ZNF804B: variants seen among roughly 807,000 people sequenced by gnomAD.
ZNF804B encodes zinc finger protein 804B, also known as zinc finger 804B.
In ZNF804B, 80 loss-of-function variants were observed where a neutral mutation model predicts 101.4. The ratio of observed to expected loss-of-function variants is 0.79; its 90% confidence interval spans 0.66 to 0.95. The LOEUF (loss-of-function observed/expected upper bound fraction) is 0.95. Among genes scored for constraint, ZNF804B ranks in the 40% least tolerant of loss-of-function variants. The probability of loss-of-function intolerance (pLI) is 0.00; values close to 1 mark genes in which losing one functional copy is unlikely to be tolerated. For missense variants in ZNF804B, 1,673 were observed against 1,561.9 expected (o/e 1.07, Z -1.20); for synonymous variants, 622 against 558.8 (o/e 1.11, Z -1.59).
At chr7:89,114,118 A>G (rs1017573962) in intron 1 of ZNF804B, among the ~76,000 whole-genome samples, 1 of 152,192 alleles carries the variant, frequency 6.6e-6, no homozygotes, top group African/African-American at 2.4e-5. Flanking sequence ...AAAAATATAA[A>G]TTATTAGTAT....
chr7:89,060,098 C>A (rs1789355949), intron 1 of ZNF804B, among the ~76,000 whole-genome samples: 1 of 152,086 alleles, frequency 6.6e-6, no homozygotes, highest in Admixed American at 6.6e-5. Context: ...GGTTCTGAGG[C>A]CTTGGGACTT....
At chr7:88,909,807 G>C (rs1001236732) in intron 1 of ZNF804B, among the ~76,000 whole-genome samples, 2 of 150,990 alleles carry the variant, frequency 1.3e-5, no homozygotes, top group East Asian at 3.9e-4. Context: ...TGTCTTGATT[G>C]CTATTTACTT....
intron 1 of ZNF804B, among the ~76,000 whole-genome samples, chr7:88,826,204 A>G (rs1057441231): frequency 6.6e-6 from 1 of 152,206 alleles, no homozygotes; most frequent in Non-Finnish European, 1.5e-5. Context: ...TACTACTTCT[A>G]AAAAATGTTC....
chr7:89,179,654 T>G lies in ZNF804B; in HGVS notation c.109-38501T>G, dbSNP rs75336142. ...ATTAGTCACTGGTGCCTTACTTGGT[T>G]TGTTTTGTGAGGTCATGATTTTCTG... On this transcript the variant is annotated intron_variant, in intron 1 of 3. Transcript: ENST00000333190. Among the ~76,000 whole-genome samples the G allele has an allele frequency of 7.1e-4, 108 of 152,318 alleles. 1 individual carries two copies. In the East Asian group the frequency reaches 0.011, roughly 15 times the overall value.
chr7:89,004,786 A>G (rs545219186), intron 1 of ZNF804B, among the ~76,000 whole-genome samples: 3 of 152,112 alleles, frequency 2.0e-5, no homozygotes, highest in Admixed American at 6.6e-5. Flanking sequence ...AAGCTCATGG[A>G]AAGAGATTTC....
intron 1 of ZNF804B, among the ~76,000 whole-genome samples, chr7:88,891,805 A>G (rs1792219220): frequency 6.6e-6 from 1 of 151,894 alleles, no homozygotes; most frequent in Non-Finnish European, 1.5e-5. Context: ...TTTGTTACAT[A>G]TGTATACATG....
At chr7:88,822,989 C>T (rs1465084414) in intron 1 of ZNF804B, among the ~76,000 whole-genome samples, 2 of 151,816 alleles carry the variant, frequency 1.3e-5, no homozygotes, top group Non-Finnish European at 2.9e-5. Context: ...GGCGGGTGTA[C>T]CACAAGGTAA....
chr7:89,209,362 G>A (rs1042907399), intron 1 of ZNF804B, among the ~76,000 whole-genome samples: 2 of 152,128 alleles, frequency 1.3e-5, no homozygotes, highest in African/African-American at 2.4e-5. Context: ...ACCTTACCTG[G>A]GCATTGATGG....
chr7:89,065,599 A>C (rs1789445384), intron 1 of ZNF804B, among the ~76,000 whole-genome samples: 1 of 152,106 alleles, frequency 6.6e-6, no homozygotes, highest in Non-Finnish European at 1.5e-5. Flanking sequence ...CAGTGGGTTA[A>C]AACACCAATT....
chr7:88,950,679 A>G (rs932587176), intron 1 of ZNF804B, among the ~76,000 whole-genome samples: 1 of 151,584 alleles, frequency 6.6e-6, no homozygotes, highest in Non-Finnish European at 1.5e-5. Flanking sequence ...TTTTCTCTTT[A>G]TGCCTTTGCA....
chr7:89,017,254 T>C (rs1788583420), intron 1 of ZNF804B, among the ~76,000 whole-genome samples: 1 of 152,222 alleles, frequency 6.6e-6, no homozygotes, highest in Admixed American at 6.5e-5. Flanking sequence ...AATGGGGTTT[T>C]CTAGATATAC....
chr7:89,288,888 T>A (rs1790245169), intron 2 of ZNF804B, among the ~76,000 whole-genome samples: 1 of 152,148 alleles, frequency 6.6e-6, no homozygotes, highest in African/African-American at 2.4e-5. Context: ...TAAAATATAT[T>A]TTTGTATCTC....
At chr7:89,223,171 T>G (rs1789031704) in intron 2 of ZNF804B, among the ~76,000 whole-genome samples, 1 of 151,904 alleles carries the variant, frequency 6.6e-6, no homozygotes, top group Non-Finnish European at 1.5e-5. Context: ...TGCCATAATT[T>G]TACTTTCCAT....
chr7:88,854,386 CA>C (rs2115835438), intron 1 of ZNF804B, among the ~76,000 whole-genome samples: 1 of 120,154 alleles, frequency 8.3e-6, no homozygotes, highest in South Asian at 3.0e-4. Flanking sequence ...TTCTGTACTG[CA>C]TTTCTTTCTT....
At position 89,007,444 on chromosome 7, in the gene ZNF804B, TTTTATATATA is replaced by T. The variant is rs1370778387; in HGVS notation, c.109-210709_109-210700del. On this transcript the variant is annotated intron_variant, in intron 1 of 3. Coordinates refer to ENST00000333190, the MANE Select transcript of ZNF804B (RefSeq NM_181646.5). Reference sequence around the variant, plus strand: ...ACATGTTATCTAAAGTTATCCATGATTTTATATATATATATATATATATATATATATATAT... The same window carrying T: ...ACATGTTATCTAAAGTTATCCATGATTATATATATATATATATATATATAT... 1.3e-3 allele frequency among the ~76,000 whole-genome samples: 60 copies of T among 47,706 alleles called. 1 individual carries two copies. The highest frequency in any genetic ancestry group is 5.2e-3 in the African/African-American group (52 of 10,024). 31.3% of individuals were successfully genotyped at this position (47,706 alleles called of 152,430 possible). A position where few individuals can be genotyped will look rare whatever the true frequency, so the allele number is the denominator to read the frequency against.
chr7:88,891,882 C>T (rs1230796950), intron 1 of ZNF804B, among the ~76,000 whole-genome samples: 2 of 152,062 alleles, frequency 1.3e-5, no homozygotes, highest in Admixed American at 1.3e-4. Context: ...CCCTCCCCTA[C>T]CCCACGACAG....
At chr7:88,961,974 A>T (rs893945715) in intron 1 of ZNF804B, among the ~76,000 whole-genome samples, 11 of 151,316 alleles carry the variant, frequency 7.3e-5, no homozygotes, top group Non-Finnish European at 1.2e-4. Context: ...TTTACATTAG[A>T]ATTTTCTCTG....
intron 1 of ZNF804B, among the ~76,000 whole-genome samples, chr7:88,804,554 AAC>A (rs1790656217): frequency 6.6e-6 from 1 of 152,122 alleles, no homozygotes; most frequent in Non-Finnish European, 1.5e-5. Flanking sequence ...TGACTTAACT[AAC>A]ACACAGTGCA....
At chr7:89,327,677 T>C (rs1490227561) in intron 3 of ZNF804B, among the ~76,000 whole-genome samples, 1 of 152,056 alleles carries the variant, frequency 6.6e-6, no homozygotes, top group Non-Finnish European at 1.5e-5. Flanking sequence ...TTTAATGTAC[T>C]CTATAATGAA....
Sources: gnomAD v4.1 joint callset for allele counts (sites outside exome capture counted in the v4.1 genomes callset) on GRCh38, gnomAD v4.1.1 for gene constraint, MANE v1.5 for transcripts, NCBI Gene and HGNC (gene_info 2026-07-23, HGNC 2026-07-21) for gene names.